Variants in MYL1 observed in about 807,000 individuals in gnomAD.
The protein encoded by MYL1 is myosin light chain 1/3, skeletal muscle isoform.
A neutral mutation model predicts 21.8 loss-of-function variants in MYL1; 16 were observed. The ratio of observed to expected loss-of-function variants is 0.74; its 90% CI spans 0.50 to 1.12. The LOEUF (loss-of-function observed/expected upper bound fraction) is 1.12. Ranked by LOEUF, MYL1 falls within the 50% of genes most tolerant of loss-of-function variation. The pLI, the probability that MYL1 is intolerant of heterozygous loss-of-function variation, is 0.00. For missense variants in MYL1, 246 were observed against 241.0 expected (o/e 1.02, Z -0.14); for synonymous variants, 99 against 85.2 (o/e 1.16, Z -0.89).
At chr2:210,300,695 G>A (rs1372324529) in intron 2 of MYL1, among the ~76,000 whole-genome samples, 1 of 152,008 alleles carries the variant, frequency 6.6e-6, no homozygotes, top group Non-Finnish European at 1.5e-5. Flanking sequence ...TGAGGAAAAT[G>A]GATTTTAAAT....
chr2:210,314,801 A>G, intron 1 of MYL1, 110 bp downstream of exon 1: 1 of 1,205,342 alleles, frequency 8.3e-7, no homozygotes, highest in Non-Finnish European at 1.2e-6. Context: ...CTACCAGCTC[A>G]CTAAATAATG....
intron 1 of MYL1, 60 bp downstream of exon 1, chr2:210,314,851 C>T (rs1420911144): frequency 5.0e-6 from 8 of 1,593,868 alleles, no homozygotes; most frequent in African/African-American, 4.0e-5. Context: ...TTGCAAGTTC[C>T]TAGAGATCCT....
At chr2:210,307,869 T>G (rs970052374) in intron 1 of MYL1, among the ~76,000 whole-genome samples, 4 of 152,174 alleles carry the variant, frequency 2.6e-5, no homozygotes, top group African/African-American at 9.6e-5. Context: ...CCATTACTTT[T>G]GTACCAACCT....
At chr2:210,302,581 T>G (rs1690280388) in intron 1 of MYL1, 66 bp from the exon 2 acceptor site, 1 of 1,558,796 alleles carries the variant, frequency 6.4e-7, no homozygotes, top group Non-Finnish European at 8.7e-7. Flanking sequence ...TTTTTAGTTG[T>G]ATCCAGCTCA....
At chr2:210,296,035 A>T (rs1291181504) in intron 3 of MYL1, among the ~76,000 whole-genome samples, 1 of 152,126 alleles carries the variant, frequency 6.6e-6, no homozygotes, top group African/African-American at 2.4e-5. Flanking sequence ...TTCAACTGTC[A>T]AGGGAAAGAA....
chr2:210,298,367 C>G, intron 3 of MYL1, 53 bp downstream of exon 3: 1 of 1,553,036 alleles, frequency 6.4e-7, no homozygotes, highest in Non-Finnish European at 8.9e-7. Flanking sequence ...CACACACACA[C>G]TGCTACACAC....
chr2:210,301,017 A>G (rs1017610935), intron 2 of MYL1, among the ~76,000 whole-genome samples: 11 of 152,160 alleles, frequency 7.2e-5, no homozygotes, highest in African/African-American at 1.7e-4. Context: ...TCTAAAATCT[A>G]TTTCACAGAT....
At chr2:210,311,286 G>A (rs1412042244) in intron 1 of MYL1, among the ~76,000 whole-genome samples, 1 of 151,872 alleles carries the variant, frequency 6.6e-6, no homozygotes, top group Non-Finnish European at 1.5e-5. Flanking sequence ...AAACAAATTG[G>A]GTGCCACAAT....
intron 1 of MYL1, among the ~76,000 whole-genome samples, chr2:210,304,497 CAAAAGAA>C (rs1690310511): frequency 6.6e-6 from 1 of 152,022 alleles, no homozygotes; most frequent in African/African-American, 2.4e-5. Flanking sequence ...ACCAAGAAGC[CAAAAGAA>C]TGCATGGCAG....
intron 2 of MYL1, among the ~76,000 whole-genome samples, chr2:210,301,593 C>T (rs1316373289): frequency 6.6e-6 from 1 of 151,826 alleles, no homozygotes; most frequent in African/African-American, 2.4e-5. Context: ...AATTTTTTCT[C>T]CTCCTTCCAT....
chr2:210,291,564 A>G (rs1690076182), intron 5 of MYL1, among the ~76,000 whole-genome samples: 1 of 152,158 alleles, frequency 6.6e-6, no homozygotes, highest in East Asian at 1.9e-4. Flanking sequence ...AGACCACATA[A>G]ATATGTTTCT....
At chr2:210,301,150 C>T (rs1158478482) in intron 2 of MYL1, among the ~76,000 whole-genome samples, 2 of 152,196 alleles carry the variant, frequency 1.3e-5, no homozygotes, top group African/African-American at 4.8e-5. Flanking sequence ...TTTGAGAGGA[C>T]TGGGATGCAG....
chr2:210,302,721 G>A (rs774134064), intron 1 of MYL1: 2 of 1,555,386 alleles, frequency 1.3e-6, no homozygotes, highest in East Asian at 2.4e-5. Context: ...GCAGAAACTA[G>A]GCAGTGCTGT....
At position 210,303,622 on chromosome 2, in the gene MYL1, A is replaced by T. The variant is rs12469767; in HGVS notation, c.133-1107T>A. ...GCTGCTCCGGTCCCTGAGTGGGGTC[A>T]TCCCTGGCTGAGGCTTCCTTTTATT... On this transcript the variant is annotated intron_variant, in intron 1 of 6. Transcript: ENST00000352451. 8.9e-6 allele frequency: 14 copies of T among 1,581,046 alleles called. No homozygotes were observed. The African/African-American group carries it at 1.8e-4, about 20-fold the overall frequency.
intron 2 of MYL1, among the ~76,000 whole-genome samples, chr2:210,300,629 C>T (rs145079548): frequency 6.6e-6 from 1 of 152,034 alleles, no homozygotes; most frequent in East Asian, 1.9e-4. Context: ...TCTGGGCTGC[C>T]CAAAAAGGTG....
At position 210,301,457 on chromosome 2, in the gene MYL1, T is replaced by G. The variant is rs1007827034; in HGVS notation, c.160+1031A>C. Among the ~76,000 whole-genome samples, 6 of 152,090 alleles carry G rather than the reference T, an allele frequency of 3.9e-5. No individual in the cohort carries two copies. In the South Asian group the frequency reaches 1.2e-3, roughly 31 times the overall value. ...ATGTGGAATCCTTTAGGTAGAGAAC[T>G]GAGTATTTGAATAGGTTCTTATTAA... On this transcript the variant is annotated intron_variant, in intron 2 of 6. Coordinates refer to ENST00000352451, the MANE Select transcript of MYL1 (RefSeq NM_079420.3).
intron 1 of MYL1, among the ~76,000 whole-genome samples, chr2:210,311,450 G>A (rs1690417863): frequency 6.6e-6 from 1 of 152,024 alleles, no homozygotes. Flanking sequence ...GATAGTTTCT[G>A]TCAATGCATT....
intron 1 of MYL1, chr2:210,303,698 G>A (rs2125742484): frequency 9.4e-7 from 1 of 1,059,090 alleles, no homozygotes; most frequent in Non-Finnish European, 1.3e-6. Context: ...GAGATAAGTT[G>A]CCACACCCCT....
At chr2:210,304,465 C>T (rs1284073383) in intron 1 of MYL1, among the ~76,000 whole-genome samples, 1 of 152,126 alleles carries the variant, frequency 6.6e-6, no homozygotes, top group Admixed American at 6.6e-5. Context: ...CCTTGGCAAA[C>T]ACTCTATGGC....
Sources: allele counts gnomAD v4.1 joint callset (sites outside exome capture counted in the v4.1 genomes callset), GRCh38; gene constraint gnomAD v4.1.1; transcripts MANE v1.5; gene names NCBI Gene and HGNC (gene_info 2026-07-23, HGNC 2026-07-21).